The following MAP3K19 variants were observed in gnomAD, a reference collection of about 807,000 sequenced individuals.
MAP3K19 encodes the protein mitogen-activated protein kinase kinase kinase 19.
A neutral mutation model predicts 114.4 loss-of-function variants in MAP3K19; 91 were observed. The ratio of observed to expected loss-of-function variants is 0.80; its 90% confidence interval spans 0.67 to 0.95. The LOEUF is 0.95. Ranked by LOEUF, MAP3K19 falls within the 40% of genes least tolerant of loss-of-function variation. The probability of loss-of-function intolerance (pLI) is 0.00; values close to 1 mark genes in which losing one functional copy is unlikely to be tolerated. For synonymous variants in MAP3K19, 518 were observed against 530.5 expected (o/e 0.98, Z 0.32); for missense variants, 1,471 against 1,573.2 (o/e 0.94, Z 1.10).
At chr2:135,023,023 G>A (rs1688085237) in intron 4 of MAP3K19, among the ~76,000 whole-genome samples, 1 of 152,060 alleles carries the variant, frequency 6.6e-6, no homozygotes, top group Non-Finnish European at 1.5e-5. Flanking sequence ...CTTCTAATAA[G>A]CATTGGCTTC....
chr2:134,967,718 TAAAATAATA>T (rs773775314), intron 12 of MAP3K19, among the ~76,000 whole-genome samples: 42 of 152,304 alleles, frequency 2.8e-4, no homozygotes, highest in Non-Finnish European at 5.3e-4. Flanking sequence ...TCCTTTTTGC[TAAAATAATA>T]AAAATAATAA....
At chr2:134,994,723 G>A (rs1227433755) in intron 8 of MAP3K19, among the ~76,000 whole-genome samples, 1 of 152,126 alleles carries the variant, frequency 6.6e-6, no homozygotes, top group Non-Finnish European at 1.5e-5. Flanking sequence ...TCTATCAATC[G>A]TCCAGTTCTC....
rs1686213700 is a variant in MAP3K19, at chr2:134,998,797, T to C, written c.515A>G (p.Lys172Arg). 1.2e-6 allele frequency: 2 copies of C among 1,613,698 alleles called. No individual in the cohort carries two copies. The highest frequency in any genetic ancestry group is 1.7e-6 in the Non-Finnish European group (2 of 1,179,666). The change falls in exon 8 of 13, where the codon AAG becomes AGG. Residue 172 changes from lysine (K) to arginine (R), a missense_variant. Physicochemically the swap from Lys to Arg is conservative, Grantham distance 26. Transcript: ENST00000392915. The part of the protein sequence containing the change: ...PRSCLELNIS[K>R]SVTREDAPHF... The stretch of plus-strand genomic sequence containing the variant: ...AGGAGCATCTTCTCTGGTTACAGAC[T>C]TGGAAATGTTCAGTTCTAAACAAGA...
chr2:135,032,587 T>C (rs551810262), intron 2 of MAP3K19, among the ~76,000 whole-genome samples: 3 of 85,302 alleles, frequency 3.5e-5, no homozygotes, highest in South Asian at 5.3e-4. Flanking sequence ...TTGTTTGTTT[T>C]TTTTTTAATT....
intron 10 of MAP3K19, 61 bp downstream of exon 10, chr2:134,985,739 A>C: frequency 4.5e-4 from 632 of 1,398,954 alleles, no homozygotes; most frequent in Non-Finnish European, 5.7e-4. Context: ...AAGGGGTTTG[A>C]ACCAGATTGT....
chr2:135,014,238 C>T (rs540622858), intron 5 of MAP3K19, among the ~76,000 whole-genome samples: 169 of 152,218 alleles, frequency 1.1e-3, no homozygotes, highest in Non-Finnish European at 2.0e-3. Context: ...CCTGTAATCC[C>T]AGCTACTTAG....
At chr2:135,036,054 G>A (rs1217459122) in intron 2 of MAP3K19, among the ~76,000 whole-genome samples, 4 of 151,878 alleles carry the variant, frequency 2.6e-5, no homozygotes, top group Non-Finnish European at 5.9e-5. Flanking sequence ...GGCTGGTCGC[G>A]AACTCCCAAC....
chr2:135,023,952 G>T (rs11889843), intron 4 of MAP3K19, among the ~76,000 whole-genome samples: 7 of 151,748 alleles, frequency 4.6e-5, no homozygotes, highest in African/African-American at 1.5e-4. Context: ...CCCTCCATGG[G>T]CCCAGTTTCT....
chr2:134,972,820 G>T (rs985500287), intron 12 of MAP3K19, among the ~76,000 whole-genome samples: 1 of 152,040 alleles, frequency 6.6e-6, no homozygotes, highest in Non-Finnish European at 1.5e-5. Flanking sequence ...ATAGATTTGG[G>T]TATGTTGTGT....
At chr2:135,039,631 G>C (rs998506673) in intron 2 of MAP3K19, among the ~76,000 whole-genome samples, 1 of 152,060 alleles carries the variant, frequency 6.6e-6, no homozygotes, top group Admixed American at 6.6e-5. Flanking sequence ...ACTTATAGAG[G>C]CATCAACTTG....
rs545578287 is a variant in MAP3K19 at position 134,981,499 on chromosome 2, C to T, written c.3242G>A (p.Ser1081Asn). The T allele has an allele frequency of 6.2e-7, 1 of 1,613,134 alleles. No homozygotes were observed. The highest frequency in any genetic ancestry group is 2.2e-5 in the East Asian group (1 of 44,870). The change falls in exon 12 of 13, where the codon AGT (serine) becomes AAT (asparagine). Residue 1081 changes from serine to asparagine, a missense_variant. Physicochemically the swap from Ser to Asn is conservative, Grantham distance 46. Transcript: ENST00000392915. The part of the protein sequence containing the change: ...AYGTVYCGLT[S>N]QGQLIAVKQV... Reference sequence around the variant, plus strand: ...TTTTACAGCTATTAGCTGTCCTTGACTAGTGAGACCACAGTATACCTAGAA... The same window carrying T: ...TTTTACAGCTATTAGCTGTCCTTGATTAGTGAGACCACAGTATACCTAGAA...
chr2:135,015,215 C>A (rs1158304023), intron 5 of MAP3K19, among the ~76,000 whole-genome samples: 3 of 152,192 alleles, frequency 2.0e-5, no homozygotes, highest in Non-Finnish European at 4.4e-5. Flanking sequence ...TTGATATTTC[C>A]CAACTTGTAA....
At chr2:134,969,037 C>A (rs965508610) in intron 12 of MAP3K19, among the ~76,000 whole-genome samples, 2 of 152,314 alleles carry the variant, frequency 1.3e-5, no homozygotes, top group East Asian at 1.9e-4. Flanking sequence ...GGGATCACGC[C>A]GCTGCACTCC....
At chr2:135,001,534 A>T (rs1573991485) in intron 6 of MAP3K19, among the ~76,000 whole-genome samples, 1 of 152,358 alleles carries the variant, frequency 6.6e-6, no homozygotes, top group South Asian at 2.1e-4. Flanking sequence ...TCGTTCTCCT[A>T]TTTGAAAGGA....
At chr2:135,032,534 T>C (rs1390067568) in intron 2 of MAP3K19, among the ~76,000 whole-genome samples, 5 of 151,462 alleles carry the variant, frequency 3.3e-5, no homozygotes, top group Admixed American at 1.3e-4. Flanking sequence ...AACCAAAAGA[T>C]GAAAAGAACC....
chr2:134,986,534 T>G lies in MAP3K19; in HGVS notation c.2338A>C (p.Lys780Gln). ...KSSGNEFLSS[K>Q]DEIHPMNLAQ... ...AAGTTCATGGGATGAATTTCATCTT[T>G]GGAAGATAGAAACTCATTTCCTGAA... is the stretch of plus-strand genomic sequence containing the variant. The change falls in exon 10 of 13, where the codon AAA becomes CAA. Residue 780 changes from lysine to glutamine, a missense_variant. Physicochemically the swap from Lys to Gln is moderately conservative, Grantham distance 53. Coordinates refer to ENST00000392915, the MANE Select transcript of MAP3K19 (RefSeq NM_025052.5). 4.3e-6 allele frequency: 7 copies of G among 1,614,158 alleles called. No homozygotes were observed. The South Asian group carries it at 4.4e-5, about 10-fold the overall frequency.
At position 135,021,837 on chromosome 2, in the gene MAP3K19, A is replaced by G; in HGVS notation, c.23-7T>C. ...AATGACTCAGCATGTCTTTCTATCA[A>G]AAGAAACATAATAGTATGTTTTGAT... On this transcript the variant is annotated splice_region_variant and splice_polypyrimidine_tract_variant and intron_variant, in intron 4 of 12. Coordinates refer to ENST00000392915, the MANE Select transcript of MAP3K19 (RefSeq NM_025052.5). The G allele has an allele frequency of 2.0e-6, 3 of 1,520,500 alleles. No homozygotes were observed. The highest frequency in any genetic ancestry group is 2.7e-6 in the Non-Finnish European group (3 of 1,102,490). 94.2% of individuals were successfully genotyped at this position (1,520,500 alleles called of 1,614,324 possible).
At chr2:134,995,125 A>G (rs1262508510) in intron 8 of MAP3K19, among the ~76,000 whole-genome samples, 5 of 152,098 alleles carry the variant, frequency 3.3e-5, no homozygotes, top group Non-Finnish European at 7.4e-5. Context: ...CAGCCTGGGC[A>G]ATATAGTAAG....
At chr2:135,013,686 A>G (rs184300636) in intron 5 of MAP3K19, among the ~76,000 whole-genome samples, 349 of 152,202 alleles carry the variant, frequency 2.3e-3, no homozygotes, top group African/African-American at 6.2e-3. Context: ...CCAACCTACA[A>G]TGGTCTTGCC....
Sources: allele counts gnomAD v4.1 joint callset (sites outside exome capture counted in the v4.1 genomes callset), GRCh38; gene constraint gnomAD v4.1.1; transcripts MANE v1.5; gene names NCBI Gene and HGNC (gene_info 2026-07-23, HGNC 2026-07-21).